The following RAP1GAP variants were observed in gnomAD, a reference collection of about 807,000 sequenced individuals.
RAP1GAP encodes rap1 GTPase-activating protein 1.
In RAP1GAP, 35 loss-of-function variants were observed where a neutral mutation model predicts 87.2. The ratio of observed to expected loss-of-function variants is 0.40; its 90% confidence interval spans 0.31 to 0.53. The LOEUF (loss-of-function observed/expected upper bound fraction) is 0.53. Among genes scored for constraint, RAP1GAP ranks in the 20% least tolerant of loss-of-function variants. The probability of loss-of-function intolerance (pLI) is 0.48; values close to 1 mark genes in which losing one functional copy is unlikely to be tolerated. For missense variants in RAP1GAP, 734 were observed against 898.9 expected (o/e 0.82, Z 2.35); for synonymous variants, 375 against 363.9 (o/e 1.03, Z -0.35).
chr1:21,628,993 C>T (rs1301344705), intron 2 of RAP1GAP, among the ~76,000 whole-genome samples: 1 of 152,138 alleles, frequency 6.6e-6, no homozygotes, highest in Non-Finnish European at 1.5e-5. Context: ...TACTATGTGA[C>T]TGGGACTGCG....
At chr1:21,619,726 G>A (rs1234838976) in intron 4 of RAP1GAP, among the ~76,000 whole-genome samples, 3 of 152,008 alleles carry the variant, frequency 2.0e-5, no homozygotes, top group Non-Finnish European at 4.4e-5. Context: ...CACTGGGTGA[G>A]AGGCAGTGTA....
At chr1:21,654,040 C>G (rs912039901) in intron 1 of RAP1GAP, among the ~76,000 whole-genome samples, 1 of 148,428 alleles carries the variant, frequency 6.7e-6, no homozygotes. Context: ...AGTGTGGGCT[C>G]CAGCCTCTCT....
chr1:21,598,009 G>C lies in RAP1GAP; in HGVS notation c.1935C>G (p.Pro645=), dbSNP rs542648738. 2.5e-6 allele frequency: 4 copies of C among 1,582,968 alleles called. No homozygotes were observed. The African/African-American group carries it at 4.0e-5, about 16-fold the overall frequency. ...ATGCTTCCAGCTGGATCTTGATCTC[G>C]GGACACGCAGGGTCCCCCAACTTGC... ...DAGKLGDPAC[P]EIKIQLEASE... Residue 645 remains proline, a synonymous_variant, in exon 23 of 25, where the codon CCC becomes CCG. Transcript: ENST00000374765.
chr1:21,616,423 G>A (rs551993889), intron 7 of RAP1GAP, among the ~76,000 whole-genome samples: 11 of 152,238 alleles, frequency 7.2e-5, no homozygotes, highest in South Asian at 2.1e-4. Flanking sequence ...TGTGGTTCTA[G>A]AAGCTTTGCG....
chr1:21,614,724 G>A (rs993981823), intron 7 of RAP1GAP, among the ~76,000 whole-genome samples: 6 of 152,182 alleles, frequency 3.9e-5, no homozygotes, highest in Non-Finnish European at 5.9e-5. Context: ...CACCCCCAGA[G>A]AGGAGCCCAG....
At chr1:21,663,173 A>G (rs2097211586) in intron 1 of RAP1GAP, among the ~76,000 whole-genome samples, 1 of 152,188 alleles carries the variant, frequency 6.6e-6, no homozygotes, top group Non-Finnish European at 1.5e-5. Flanking sequence ...TCTTTGTCCC[A>G]GCGGCTCTGC....
Position 21,613,052 on chromosome 1 carries a change from T to G in RAP1GAP, c.528+124A>C. 1.9e-6 allele frequency: 2 copies of G among 1,065,752 alleles called. No homozygotes were observed. The highest frequency in any genetic ancestry group is 2.8e-6 in the Non-Finnish European group (2 of 704,728). The allele number at this position is 1,065,752 out of a possible 1,614,324, so 66.0% of individuals were successfully genotyped here. ...TCTGCAAATTGTGGACTTCACAGGG[T>G]TATTGTGAGGATTAAATGAGAGAAC... On this transcript the variant is annotated intron_variant, in intron 10 of 24. Transcript: ENST00000374765. The surrounding 1 kb of genome is among the most constrained non-coding windows in gnomAD (Gnocchi z 4.7).
chr1:21,608,911 A>G lies in RAP1GAP; in HGVS notation c.1097T>C (p.Leu366Pro). The G allele has an allele frequency of 6.2e-7, 1 of 1,614,128 alleles. No individual in the cohort carries two copies. The highest frequency in any genetic ancestry group is 8.5e-7 in the Non-Finnish European group (1 of 1,179,976). The change falls in exon 16 of 25, where the codon CTG becomes CCG. Residue 366 changes from leucine to proline, a missense_variant. By Grantham distance (98) the Leu-to-Pro change is moderately conservative. Around this residue, in one of 2 missense-constraint regions of RAP1GAP, gnomAD observed 485 missense variants for 646.2 expected, o/e 0.75. Transcript: ENST00000374765. Reference sequence around the variant, plus strand: ...ATATTCAGCATTGATCAGCTTTGTCAGCAAAAATTCCTGGAACTCAGGCCC... The same window carrying G: ...ATATTCAGCATTGATCAGCTTTGTCGGCAAAAATTCCTGGAACTCAGGCCC... ...RKGPEFQEFL[L>P]TKLINAEYAC...
chr1:21,605,846 G>A (rs2074099860), intron 18 of RAP1GAP, among the ~76,000 whole-genome samples: 1 of 152,216 alleles, frequency 6.6e-6, no homozygotes, highest in South Asian at 2.1e-4. Flanking sequence ...AGGAGCTTGG[G>A]AAGGGGCTGC....
At chr1:21,631,244 C>A (rs1431472660) in intron 2 of RAP1GAP, among the ~76,000 whole-genome samples, 1 of 152,222 alleles carries the variant, frequency 6.6e-6, no homozygotes, top group African/African-American at 2.4e-5. Context: ...TCCTGGGCGG[C>A]AGCAGCTGCG....
intron 1 of RAP1GAP, among the ~76,000 whole-genome samples, chr1:21,653,726 G>C (rs1767434): frequency 3.3e-5 from 5 of 152,026 alleles, no homozygotes; most frequent in African/African-American, 9.7e-5. Context: ...GGTTGGGGCA[G>C]AGGACTGAAG....
Position 21,644,253 on chromosome 1 carries a change from C to T in RAP1GAP, c.-113+5508G>A, listed in dbSNP as rs187930638. 5.9e-3 allele frequency among the ~76,000 whole-genome samples: 904 copies of T among 152,272 alleles called. 1 individual carries two copies. Among genetic ancestry groups the T allele is most frequent in the Non-Finnish European group, 9.4e-3 (640 of 68,016 alleles). On this transcript the variant is annotated intron_variant, in intron 2 of 24. Coordinates refer to ENST00000374765, the MANE Select transcript of RAP1GAP (RefSeq NM_002885.4). ...TCTGTCTGGACACCCTGCCAGCTCCCCCATGGCCAGCTCCTCTCATCCTTC... is the reference window on the plus strand; with the variant it reads ...TCTGTCTGGACACCCTGCCAGCTCCTCCATGGCCAGCTCCTCTCATCCTTC...
chr1:21,603,825 G>A lies in RAP1GAP; in HGVS notation c.1429-912C>T, dbSNP rs374385511. 91 of 1,610,872 alleles carry A rather than the reference G, an allele frequency of 5.6e-5. No individual in the cohort carries two copies. Among genetic ancestry groups the A allele is most frequent in the Middle Eastern group, 1.6e-4 (1 of 6,080 alleles). ...CAGCCTCCAGAGCCGGCGGCCCCGC[G>A]GACGACAACCTCTTCCACGGTTCCT... On this transcript the variant is annotated intron_variant, in intron 18 of 24. Coordinates refer to ENST00000374765, the MANE Select transcript of RAP1GAP (RefSeq NM_002885.4). This position sits in a 1 kb window ranked among gnomAD's most constrained non-coding sequence, Gnocchi z 6.0.
chr1:21,625,478 G>A (rs990777287), intron 3 of RAP1GAP, among the ~76,000 whole-genome samples: 1 of 152,178 alleles, frequency 6.6e-6, no homozygotes, highest in Non-Finnish European at 1.5e-5. Flanking sequence ...AGGCCCTCTG[G>A]TCAGACAGCT....
chr1:21,660,702 C>G (rs554002769), intron 1 of RAP1GAP, among the ~76,000 whole-genome samples: 2 of 152,232 alleles, frequency 1.3e-5, no homozygotes, highest in South Asian at 2.1e-4. Flanking sequence ...GATACTAGCT[C>G]TTAGCTCACA....
At chr1:21,608,999 C>A in intron 15 of RAP1GAP, 63 bp from the exon 16 acceptor site, 2 of 1,415,504 alleles carry the variant, frequency 1.4e-6, no homozygotes, top group South Asian at 2.3e-5. Context: ...AAACAAGGGT[C>A]GGAACCCCAA....
At chr1:21,662,081 G>A (rs1424290757) in intron 1 of RAP1GAP, among the ~76,000 whole-genome samples, 1 of 152,176 alleles carries the variant, frequency 6.6e-6, no homozygotes, top group Non-Finnish European at 1.5e-5. Context: ...AGACCTCTCA[G>A]GACCAGCCCC....
Position 21,597,957 on chromosome 1 carries a change from G to A in RAP1GAP, c.1983+4C>T, listed in dbSNP as rs746572998. On this transcript the variant is annotated splice_donor_region_variant and intron_variant, in intron 23 of 24. Coordinates refer to ENST00000374765, the MANE Select transcript of RAP1GAP (RefSeq NM_002885.4). ...CAGCACCAGCCCCAGGAGGCTGCACGTACCAGCTGGGGCATGTGCTGCTCA... is the reference window on the plus strand; with the variant it reads ...CAGCACCAGCCCCAGGAGGCTGCACATACCAGCTGGGGCATGTGCTGCTCA... The A allele has an allele frequency of 3.2e-5, 50 of 1,563,046 alleles. No homozygotes were observed. Among genetic ancestry groups the A allele is most frequent in the African/African-American group, 4.1e-5 (3 of 73,826 alleles).
Position 21,644,149 on chromosome 1 carries a change from G to A in RAP1GAP, c.-113+5612C>T, listed in dbSNP as rs570859194. Among the ~76,000 whole-genome samples, 8 of 152,292 alleles carry A rather than the reference G, an allele frequency of 5.3e-5. No individual in the cohort carries two copies. The South Asian group carries it at 1.7e-3, about 32-fold the overall frequency. On this transcript the variant is annotated intron_variant, in intron 2 of 24. Coordinates refer to ENST00000374765, the MANE Select transcript of RAP1GAP (RefSeq NM_002885.4). ...TTTTCTCTTGTCTCCTGAAGCTATA[G>A]AGGATCCTTCCTGGAAGCAGGGCGT...
Sources: gnomAD v4.1 joint callset for allele counts (sites outside exome capture counted in the v4.1 genomes callset) on GRCh38, gnomAD v4.1.1 for gene constraint, gnomAD v4.1.1 regional missense constraint, Gnocchi (gnomAD v3.1) non-coding constraint, MANE v1.5 for transcripts, NCBI Gene and HGNC (gene_info 2026-07-23, HGNC 2026-07-21) for gene names.